USH2A: variants seen among roughly 807,000 people sequenced by gnomAD.
USH2A encodes usherin, also known as Usher syndrome 2A (autosomal recessive, mild).
In USH2A, 443 loss-of-function variants were observed where a neutral mutation model predicts 538.9. The ratio of observed to expected loss-of-function variants is 0.82; its 90% CI spans 0.76 to 0.89. USH2A has a LOEUF of 0.89. USH2A is among the 40% of genes least tolerant of loss of function. The pLI, the probability that USH2A is intolerant of heterozygous loss-of-function variation, is 0.00. For synonymous variants in USH2A, 2,413 were observed against 2,273.5 expected, an observed-to-expected ratio of 1.06 and a Z score of -1.75; for missense variants, 6,633 against 6,324.8, an observed-to-expected ratio of 1.05 and a Z score of -1.65.
chr1:215,953,811 T>A (rs1433813579), intron 37 of USH2A, among the ~76,000 whole-genome samples: 1 of 151,680 alleles, frequency 6.6e-6, no homozygotes, highest in Non-Finnish European at 1.5e-5. Flanking sequence ...TGCAATCTAC[T>A]CATCTGACAA....
At chr1:215,654,979 A>G (rs745565481) in intron 64 of USH2A, among the ~76,000 whole-genome samples, 3 of 152,240 alleles carry the variant, frequency 2.0e-5, no homozygotes, top group Non-Finnish European at 4.4e-5. Context: ...AAAACAATGA[A>G]TTTAATCATT....
chr1:215,866,605 G>A (rs983815981), intron 44 of USH2A, among the ~76,000 whole-genome samples: 2 of 152,144 alleles, frequency 1.3e-5, no homozygotes, highest in African/African-American at 4.8e-5. Flanking sequence ...GCTCTCTGAA[G>A]GAAGGTGAAC....
intron 3 of USH2A, among the ~76,000 whole-genome samples, chr1:216,413,143 A>G (rs1309970521): frequency 6.6e-6 from 1 of 152,058 alleles, no homozygotes; most frequent in Non-Finnish European, 1.5e-5. Context: ...AGATATAAAG[A>G]GAAGGCTTTG....
At chr1:216,024,653 T>C (rs1427888065) in intron 32 of USH2A, among the ~76,000 whole-genome samples, 1 of 152,048 alleles carries the variant, frequency 6.6e-6, no homozygotes, top group African/African-American at 2.4e-5. Context: ...AAAAGCATTT[T>C]TGTCATTCCT....
At chr1:216,280,813 C>A (rs371681481) in intron 11 of USH2A, among the ~76,000 whole-genome samples, 1 of 152,160 alleles carries the variant, frequency 6.6e-6, no homozygotes, top group Non-Finnish European at 1.5e-5. Context: ...GAACATAGAG[C>A]GCACGACACA....
chr1:216,078,084 C>G lies in USH2A; in HGVS notation c.5572+5G>C, dbSNP rs745400553. On this transcript the variant is annotated splice_donor_5th_base_variant and intron_variant, in intron 27 of 71. Coordinates refer to ENST00000307340, the MANE Select transcript of USH2A (RefSeq NM_206933.4). ...GATTTGTGAATTCCTCCAGATGGAA[C>G]TTACCTTGTTCCAAACACAAATGTT... The G allele has an allele frequency of 6.2e-7, 1 of 1,613,414 alleles. No homozygotes were observed. Among genetic ancestry groups the G allele is most frequent in the African/African-American group, 1.3e-5 (1 of 74,874 alleles).
In USH2A at chr1:215,998,052, C is replaced by T. The variant is rs575474097; in HGVS notation, c.6657+835G>A. Among the ~76,000 whole-genome samples, 9 of 152,120 alleles carry T rather than the reference C, an allele frequency of 5.9e-5. No individual in the cohort carries two copies. The South Asian group carries it at 1.9e-3, about 32-fold the overall frequency. ...ATGTTAAGTAAAATGAATGCATACA[C>T]AGTGTCTACATAAATGTAAATTTAT... On this transcript the variant is annotated intron_variant, in intron 34 of 71. Transcript: ENST00000307340.
chr1:215,703,902 C>G (rs1263578176), intron 61 of USH2A, among the ~76,000 whole-genome samples: 1 of 152,076 alleles, frequency 6.6e-6, no homozygotes, highest in East Asian at 1.9e-4. Context: ...TCTGCCCAAA[C>G]AGCTGCCTGG....
chr1:216,191,051 A>G (rs1227545005), intron 19 of USH2A, among the ~76,000 whole-genome samples: 2 of 152,056 alleles, frequency 1.3e-5, no homozygotes, highest in African/African-American at 4.8e-5. Context: ...CAGTCCATAA[A>G]TAAATTATTA....
At chr1:215,754,633 C>T (rs1418913488) in intron 58 of USH2A, among the ~76,000 whole-genome samples, 3 of 152,020 alleles carry the variant, frequency 2.0e-5, no homozygotes, top group African/African-American at 7.3e-5. Context: ...TGTCTTGGGC[C>T]ACATATAAAA....
At chr1:215,770,482 C>A (rs549513328) in intron 55 of USH2A, among the ~76,000 whole-genome samples, 1 of 151,760 alleles carries the variant, frequency 6.6e-6, no homozygotes, top group Non-Finnish European at 1.5e-5. Context: ...AAAAAAAATA[C>A]CCAACAGACA....
intron 11 of USH2A, among the ~76,000 whole-genome samples, chr1:216,267,853 A>T (rs2036505525): frequency 6.6e-6 from 1 of 152,108 alleles, no homozygotes; most frequent in Non-Finnish European, 1.5e-5. Flanking sequence ...ATCCCACAGT[A>T]TACATATTTT....
chr1:216,084,590 G>A, intron 25 of USH2A, 108 bp downstream of exon 25: 1 of 1,152,196 alleles, frequency 8.7e-7, no homozygotes, highest in South Asian at 1.3e-5. Flanking sequence ...GTATTTCTGT[G>A]ATACTAGGTT....
At chr1:216,107,684 T>A (rs1043062335) in intron 21 of USH2A, among the ~76,000 whole-genome samples, 2 of 121,500 alleles carry the variant, frequency 1.6e-5, no homozygotes, top group African/African-American at 2.7e-5. Flanking sequence ...TACTTTCTTC[T>A]TCTTTTTTTT....
At chr1:216,403,125 T>C (rs999268136) in intron 3 of USH2A, among the ~76,000 whole-genome samples, 3 of 152,120 alleles carry the variant, frequency 2.0e-5, no homozygotes, top group Non-Finnish European at 2.9e-5. Flanking sequence ...TAAGGTTGGT[T>C]CAACAATTGA....
rs370341810 is a variant in USH2A, at chr1:215,900,196, T to C, written c.7473A>G (p.Ala2491=). ...GFLELFSNPS[A]SLSYEVSDLQ... ...GATCACTCACTTCATAGCTTAACGA[T>C]GCAGAAGGATTGGAAAATAACCTGT... is the stretch of plus-strand genomic sequence containing the variant. The change falls in exon 40 of 72, where the codon GCA becomes GCG. Residue 2491 remains alanine (A), a synonymous_variant. Coordinates refer to ENST00000307340, the MANE Select transcript of USH2A (RefSeq NM_206933.4). 5.6e-6 allele frequency: 9 copies of C among 1,613,498 alleles called. No homozygotes were observed. The African/African-American group carries it at 6.7e-5, about 12-fold the overall frequency.
intron 21 of USH2A, among the ~76,000 whole-genome samples, chr1:216,116,076 A>T (rs576822668): frequency 6.6e-6 from 1 of 151,682 alleles, no homozygotes; most frequent in East Asian, 1.9e-4. Context: ...TTTTATCATT[A>T]CTTACTCTGT....
In USH2A at chr1:215,671,019, A is replaced by G. The variant is rs751019233; in HGVS notation, c.14086T>C (p.Ser4696Pro). The G allele has an allele frequency of 5.6e-6, 9 of 1,614,182 alleles. No individual in the cohort carries two copies. The highest frequency in any genetic ancestry group is 7.6e-6 in the Non-Finnish European group (9 of 1,180,008). The change falls in exon 64 of 72, where the codon TCT becomes CCT. Residue 4696 changes from serine (S) to proline (P), a missense_variant. Ser to Pro is a moderately conservative substitution (Grantham distance 74). Transcript: ENST00000307340. ...PVLIYNGSST[S>P]FIDSELLPFT... is the part of the protein sequence containing the mutation. ...GGCAATAGTTCGGAATCTATAAAAG[A>G]TGTTGAGCTTCCGTTATAGATTAGG...
intron 34 of USH2A, among the ~76,000 whole-genome samples, chr1:215,995,201 T>A (rs1668106124): frequency 6.6e-6 from 1 of 152,232 alleles, no homozygotes; most frequent in African/African-American, 2.4e-5. Context: ...GATTTTATGA[T>A]GTCTTCTAGG....
Sources: gnomAD v4.1 joint callset for allele counts (sites outside exome capture counted in the v4.1 genomes callset) on GRCh38, gnomAD v4.1.1 for gene constraint, MANE v1.5 for transcripts, NCBI Gene and HGNC (gene_info 2026-07-23, HGNC 2026-07-21) for gene names.